Variants in ZNF33A observed in about 807,000 individuals in gnomAD.
The protein encoded by ZNF33A is zinc finger protein 33A, also known as brain my041 protein.
In ZNF33A, 9 loss-of-function variants were observed where a neutral mutation model predicts 15.9. That is an observed-to-expected ratio of 0.57 (90% CI 0.34 to 0.99). The LOEUF is 0.99. Among genes scored for constraint, ZNF33A ranks in the 50% least tolerant of loss-of-function variants. ZNF33A has a pLI of 0.02. For missense variants in ZNF33A, 843 were observed against 941.6 expected (o/e 0.90, Z 1.37); for synonymous variants, 294 against 324.2 (o/e 0.91, Z 1.00).
In ZNF33A at chr10:38,033,317, G is replaced by A. The variant is rs116523854; in HGVS notation, c.250+15931G>A. ...TTGTTTTTTATGGCCATATAACATGGTGTATAGATATACTACATTTTATGT... is the reference window on the plus strand; with the variant it reads ...TTGTTTTTTATGGCCATATAACATGATGTATAGATATACTACATTTTATGT... On this transcript the variant is annotated intron_variant, in intron 4 of 4. Transcript: ENST00000432900. Among the ~76,000 whole-genome samples the A allele has an allele frequency of 5.6e-3, 856 of 152,244 alleles. 9 individuals carry two copies. The highest frequency in any genetic ancestry group is 0.02 in the African/African-American group (815 of 41,536).
chr10:38,034,453 G>T (rs2065349657), intron 4 of ZNF33A, among the ~76,000 whole-genome samples: 1 of 152,176 alleles, frequency 6.6e-6, no homozygotes, highest in East Asian at 1.9e-4. Context: ...CTCAAGATAA[G>T]ACTGGGATTA....
chr10:38,040,522 A>G (rs2135690107), intron 4 of ZNF33A, among the ~76,000 whole-genome samples: 2 of 152,116 alleles, frequency 1.3e-5, no homozygotes, highest in Middle Eastern at 3.4e-3. Context: ...TCCTTTATTG[A>G]TTGACCCTTT....
chr10:38,037,929 G>T (rs1272617489), intron 4 of ZNF33A, among the ~76,000 whole-genome samples: 2 of 152,130 alleles, frequency 1.3e-5, no homozygotes, highest in Non-Finnish European at 2.9e-5. Context: ...TTTTGGTAGG[G>T]ATTGTGTTGA....
At chr10:38,065,913 A>G (rs1314159647), downstream of ZNF33A, among the ~76,000 whole-genome samples, 1 of 151,906 alleles carries the variant, frequency 6.6e-6, no homozygotes, top group Non-Finnish European at 1.5e-5. Flanking sequence ...GTTTCACCAT[A>G]CTGGCCAGGC....
intron 1 of ZNF33A, among the ~76,000 whole-genome samples, chr10:38,011,591 C>T (rs1432080734): frequency 6.6e-6 from 1 of 151,964 alleles, no homozygotes; most frequent in African/African-American, 2.4e-5. Flanking sequence ...AAAACAAAAA[C>T]AAAGAATTAC....
chr10:38,039,678 G>T (rs2065609797), intron 4 of ZNF33A: 2 of 419,676 alleles, frequency 4.8e-6, no homozygotes, highest in Non-Finnish European at 9.2e-6. Context: ...GGCATACATT[G>T]TTCATACCAT....
intron 4 of ZNF33A, among the ~76,000 whole-genome samples, chr10:38,049,313 T>A (rs777975979): frequency 1.3e-5 from 2 of 152,102 alleles, no homozygotes; most frequent in Non-Finnish European, 2.9e-5. Context: ...TACTCATTGA[T>A]TTCATTGTTT....
At chr10:38,015,913 C>T (rs1200550776) in intron 2 of ZNF33A, 1 of 1,019,034 alleles carries the variant, frequency 9.8e-7, no homozygotes, top group Non-Finnish European at 1.3e-6. Context: ...GAAACCTGGT[C>T]CTGTAATTTC....
chr10:38,025,524 A>C (rs2064944335), intron 4 of ZNF33A, among the ~76,000 whole-genome samples: 1 of 152,232 alleles, frequency 6.6e-6, no homozygotes, highest in Non-Finnish European at 1.5e-5. Flanking sequence ...AGGAAAGGCG[A>C]TGTGAATATG....
intron 4 of ZNF33A, among the ~76,000 whole-genome samples, chr10:38,051,718 ATATAT>A (rs1259410860): frequency 6.6e-6 from 1 of 152,108 alleles, no homozygotes; most frequent in Non-Finnish European, 1.5e-5. Flanking sequence ...AAGTAATAAA[ATATAT>A]TAAAAGAAAA....
chr10:38,024,163 C>CCAAAAAAAAAAA (rs1554902706), intron 4 of ZNF33A, among the ~76,000 whole-genome samples: 5 of 93,210 alleles, frequency 5.4e-5, no homozygotes, highest in Non-Finnish European at 1.0e-4. Context: ...AAAAACAAAA[C>CCAAAAAAAAAAA]AAAAAAAAAA....
intron 4 of ZNF33A, among the ~76,000 whole-genome samples, chr10:38,034,844 G>C (rs1159406382): frequency 6.6e-6 from 1 of 152,126 alleles, no homozygotes; most frequent in Non-Finnish European, 1.5e-5. Flanking sequence ...CAAGATAGGG[G>C]CTAATGGTGT....
intron 4 of ZNF33A, among the ~76,000 whole-genome samples, chr10:38,030,799 C>T (rs1372245929): frequency 1.3e-5 from 2 of 152,122 alleles, no homozygotes; most frequent in Non-Finnish European, 2.9e-5. Flanking sequence ...TTATTATTGG[C>T]TTGCCCAAAT....
intron 4 of ZNF33A, among the ~76,000 whole-genome samples, chr10:38,039,902 C>T (rs1481726231): frequency 2.6e-5 from 4 of 151,048 alleles, no homozygotes; most frequent in African/African-American, 4.9e-5. Context: ...GCTTTCCTGC[C>T]TTCTGCTTGA....
At position 38,059,979 on chromosome 10, in the gene ZNF33A, T is replaced by C. The variant is rs1172720305; in HGVS notation, c.*3419T>C. 6 of 815,954 alleles carry C rather than the reference T, an allele frequency of 7.4e-6. No individual in the cohort carries two copies. Among genetic ancestry groups the C allele is most frequent in the African/African-American group, 1.9e-5 (1 of 53,856 alleles). The allele number at this position is 815,954 out of a possible 1,614,324, so 50.5% of individuals were successfully genotyped here. On this transcript the variant is annotated 3_prime_UTR_variant, in exon 5 of 5. Coordinates refer to ENST00000432900, the MANE Select transcript of ZNF33A (RefSeq NM_006954.2). ...GGTTATATGAGAATTCTCTATACTT[T>C]TTGCTCAACTTTCTGTAACCCTAAA...
chr10:38,053,418 T>C (rs925482868), intron 4 of ZNF33A, among the ~76,000 whole-genome samples: 5 of 151,996 alleles, frequency 3.3e-5, no homozygotes, highest in Admixed American at 2.0e-4. Context: ...CAGTATCCTC[T>C]TCTTCTTATA....
chr10:38,059,016 A>T lies in ZNF33A; in HGVS notation c.*2456A>T, dbSNP rs2066596633. 1 of 152,234 alleles carries T rather than the reference A, an allele frequency of 6.6e-6. No individual in the cohort carries two copies. The highest frequency in any genetic ancestry group is 2.1e-4 in the South Asian group (1 of 4,830). The allele number at this position is 152,234 out of a possible 1,614,324, so 9.4% of individuals were successfully genotyped here. Reference sequence around the variant, plus strand: ...TATTTCCATTGAACACAGATGCAGAAATCCTCAAAATATTAGCAAATCAGG... The same window carrying T: ...TATTTCCATTGAACACAGATGCAGATATCCTCAAAATATTAGCAAATCAGG... On this transcript the variant is annotated 3_prime_UTR_variant, in exon 5 of 5. Transcript: ENST00000432900.
chr10:38,033,424 A>G lies in ZNF33A; in HGVS notation c.250+16038A>G, dbSNP rs1292439216. Among the ~76,000 whole-genome samples, 3 of 152,160 alleles carry G rather than the reference A, an allele frequency of 2.0e-5. No individual in the cohort carries two copies. The East Asian group carries it at 5.8e-4, about 29-fold the overall frequency. On this transcript the variant is annotated intron_variant, in intron 4 of 4. Transcript: ENST00000432900. Reference sequence around the variant, plus strand: ...ATAATTCTGCTGTAATTGTTCACGTATAAGTTTTCACATGGACATGTATTT... The same window carrying G: ...ATAATTCTGCTGTAATTGTTCACGTGTAAGTTTTCACATGGACATGTATTT...
rs2066499450 is a variant in ZNF33A at position 38,056,627 on chromosome 10, A to G, written c.*67A>G. 6.7e-7 allele frequency: 1 copy of G among 1,488,790 alleles called. No homozygotes were observed. Among genetic ancestry groups the G allele is most frequent in the Non-Finnish European group, 8.9e-7 (1 of 1,125,694 alleles). The allele number at this position is 1,488,790 out of a possible 1,614,324, so 92.2% of individuals were successfully genotyped here. On this transcript the variant is annotated 3_prime_UTR_variant, in exon 5 of 5. Transcript: ENST00000432900. ...GGGGATAAACCCATAGACTACAACA[A>G]TTATAGGACAGCTTTTGTTAGGAAG...
Sources: allele counts gnomAD v4.1 joint callset (sites outside exome capture counted in the v4.1 genomes callset), GRCh38; gene constraint gnomAD v4.1.1; transcripts MANE v1.5; gene names NCBI Gene and HGNC (gene_info 2026-07-23, HGNC 2026-07-21).